The following BMP1 variants were observed in gnomAD, a reference collection of about 807,000 sequenced individuals.
The protein encoded by BMP1 is mammalian tolloid protein.
Under a neutral mutation model 116.8 loss-of-function variants are expected in BMP1, and 63 were observed. That is an observed-to-expected ratio of 0.54 (90% CI 0.44 to 0.67). The LOEUF is 0.67. BMP1 is among the 30% of genes least tolerant of loss of function. BMP1 has a pLI of 0.00. For synonymous variants in BMP1, 536 were observed against 533.4 expected, an observed-to-expected ratio of 1.00 and a Z score of -0.07; for missense variants, 1,183 against 1,358.9, an observed-to-expected ratio of 0.87 and a Z score of 2.04.
chr8:22,203,225 A>G (rs1349483792), intron 16 of BMP1, among the ~76,000 whole-genome samples: 1 of 151,928 alleles, frequency 6.6e-6, no homozygotes, highest in Non-Finnish European at 1.5e-5. Context: ...GAGTCACTCA[A>G]CCTCTCTGTG....
chr8:22,171,273 G>T (rs1828269373), intron 1 of BMP1: 2 of 152,202 alleles, frequency 1.3e-5, no homozygotes, highest in African/African-American at 4.8e-5. Flanking sequence ...AAGTCAGGGA[G>T]GTGGGCTGGA....
At position 22,194,330 on chromosome 8, in the gene BMP1, G is replaced by A. The variant is rs907507755; in HGVS notation, c.1298-115G>A. On this transcript the variant is annotated intron_variant, in intron 10 of 19. Coordinates refer to ENST00000306385, the MANE Select transcript of BMP1 (RefSeq NM_006129.5). The surrounding 1 kb of genome is among the most constrained non-coding windows in gnomAD (Gnocchi z 4.5). ...TGCCTGGGACTGGGGGTTTGGTGGG[G>A]AACTGAAAAGCTGGGGGACATGGGA... The A allele has an allele frequency of 5.1e-5, 76 of 1,486,938 alleles. No individual in the cohort carries two copies. Among genetic ancestry groups the A allele is most frequent in the Admixed American group, 5.5e-5 (3 of 54,104 alleles). 92.1% of individuals were successfully genotyped at this position (1,486,938 alleles called of 1,614,324 possible).
intron 1 of BMP1, chr8:22,171,137 C>A (rs1828264443): frequency 6.6e-6 from 1 of 152,228 alleles, no homozygotes; most frequent in African/African-American, 2.4e-5. Flanking sequence ...CCAAGGCCAC[C>A]TGCCGAGGAT....
At chr8:22,206,414 A>C (rs1227647655) in intron 16 of BMP1, among the ~76,000 whole-genome samples, 1 of 152,008 alleles carries the variant, frequency 6.6e-6, no homozygotes, top group Non-Finnish European at 1.5e-5. Context: ...AGGCAGGAGA[A>C]TCACTTAAAC....
intron 16 of BMP1, among the ~76,000 whole-genome samples, chr8:22,204,310 G>A (rs556875108): frequency 3.9e-5 from 6 of 152,294 alleles, no homozygotes; most frequent in African/African-American, 9.6e-5. Flanking sequence ...CCTGTTTTCC[G>A]GGCCCTCGTG....
chr8:22,173,503 G>A (rs1828339816), intron 1 of BMP1, 99 bp from the exon 2 acceptor site: 1 of 750,124 alleles, frequency 1.3e-6, no homozygotes, highest in African/African-American at 1.8e-5. Flanking sequence ...CGCTGTGGAG[G>A]TTGGGGGCTG....
At chr8:22,184,784 G>C (rs996859534) in intron 8 of BMP1, among the ~76,000 whole-genome samples, 2 of 152,220 alleles carry the variant, frequency 1.3e-5, no homozygotes, top group Admixed American at 6.5e-5. Flanking sequence ...AGTTTACACA[G>C]GTAGTAGTGG....
rs535990339 is a variant in BMP1, at chr8:22,175,958, C to T, written c.263-185C>T. Reference sequence around the variant, plus strand: ...CATGTTGGGTGACTGAAATTTTTCACTGCTCTGCAAATGTCCACAAATGAC... The same window carrying T: ...CATGTTGGGTGACTGAAATTTTTCATTGCTCTGCAAATGTCCACAAATGAC... On this transcript the variant is annotated intron_variant, in intron 2 of 19. Coordinates refer to ENST00000306385, the MANE Select transcript of BMP1 (RefSeq NM_006129.5). Among the ~76,000 whole-genome samples the T allele has an allele frequency of 9.2e-5, 14 of 152,320 alleles. No homozygotes were observed. In the East Asian group the frequency reaches 2.7e-3, roughly 29 times the overall value.
At chr8:22,201,062 C>A in intron 15 of BMP1, 3 of 1,270,866 alleles carry the variant, frequency 2.4e-6, no homozygotes, top group Non-Finnish European at 3.2e-6. Flanking sequence ...CCTCCCTGGT[C>A]CCTGCCCTCC....
chr8:22,179,633 G>C lies in BMP1; in HGVS notation c.837-72G>C. The C allele has an allele frequency of 6.2e-7, 1 of 1,605,418 alleles. No individual in the cohort carries two copies. Among genetic ancestry groups the C allele is most frequent in the Non-Finnish European group, 8.5e-7 (1 of 1,175,120 alleles). ...AGCAGGGTCGTGACTTGTGGGTACA[G>C]ATGGGCATGCCACCCACTCCCTGCC... On this transcript the variant is annotated intron_variant, in intron 6 of 19. Coordinates refer to ENST00000306385, the MANE Select transcript of BMP1 (RefSeq NM_006129.5). This position sits in a 1 kb window ranked among gnomAD's most constrained non-coding sequence, Gnocchi z 4.6.
intron 1 of BMP1, among the ~76,000 whole-genome samples, chr8:22,168,176 C>T (rs886283809): frequency 1.3e-5 from 2 of 152,136 alleles, no homozygotes; most frequent in Non-Finnish European, 2.9e-5. Context: ...GTTCCTGGAC[C>T]TTCTGGGTGA....
intron 4 of BMP1, 42 bp downstream of exon 4, chr8:22,176,692 C>T: frequency 6.2e-7 from 1 of 1,600,282 alleles, no homozygotes; most frequent in Non-Finnish European, 8.6e-7. Context: ...CGCCATTGCC[C>T]CAACCCAGGT....
chr8:22,211,801 G>A lies in BMP1; in HGVS notation c.*73G>A, dbSNP rs958451253. 8.2e-5 allele frequency: 131 copies of A among 1,605,198 alleles called. No individual in the cohort carries two copies. The East Asian group carries it at 1.7e-3, about 21-fold the overall frequency. On this transcript the variant is annotated 3_prime_UTR_variant, in exon 20 of 20. Coordinates refer to ENST00000306385, the MANE Select transcript of BMP1 (RefSeq NM_006129.5). The stretch of plus-strand genomic sequence containing the variant: ...CCTAGACTGGATAGTGGGGGTGGGC[G>A]GAAGGCAACGCACCATCCCTCTCCC...
In BMP1 at chr8:22,165,428, C is replaced by CGCTGCTGCTCGG. The variant is rs1828058490; in HGVS notation, c.33_44dup (p.Gly12_Leu15dup). 1 of 1,550,760 alleles carries CGCTGCTGCTCGG rather than the reference C, an allele frequency of 6.4e-7. No individual in the cohort carries two copies. Among genetic ancestry groups the CGCTGCTGCTCGG allele is most frequent in the African/African-American group, 1.4e-5 (1 of 70,098 alleles). On this transcript the variant is annotated inframe_insertion, in exon 1 of 20. Coordinates refer to ENST00000306385, the MANE Select transcript of BMP1 (RefSeq NM_006129.5). The stretch of plus-strand genomic sequence containing the variant: ...AGCATGCCCGGCGTGGCCCGCCTGC[C>CGCTGCTGCTCGG]GCTGCTGCTCGGGCTGCTGCTGCTC...
intron 5 of BMP1, 68 bp downstream of exon 5, chr8:22,177,207 CT>C (rs1828471026): frequency 6.8e-7 from 1 of 1,466,822 alleles, no homozygotes; most frequent in South Asian, 1.3e-5. Context: ...TCCAGGACCC[CT>C]GGGGGCAGTG....
intron 1 of BMP1, among the ~76,000 whole-genome samples, chr8:22,172,258 C>A (rs970009094): frequency 6.6e-6 from 1 of 152,194 alleles, no homozygotes; most frequent in African/African-American, 2.4e-5. Flanking sequence ...CCTCCCACTT[C>A]CCCCAGCCCA....
In BMP1 at chr8:22,196,836, A is replaced by G. The variant is rs776807068; in HGVS notation, c.1922A>G (p.Asn641Ser). ...LQFDFFETEG[N>S]DVCKYDFVEV... ...TTTGACTTCTTTGAGACAGAGGGCA[A>G]TGATGTAAGTGCCCACCAGGGGCTG... Residue 641 changes from asparagine (N) to serine (S), a missense_variant, in exon 14 of 20, where the codon AAT (asparagine) becomes AGT (serine). Physicochemically the swap from Asn to Ser is conservative, Grantham distance 46 (BLOSUM62 1). Around this residue, in one of 4 missense-constraint regions of BMP1, gnomAD observed 956 missense variants for 1,135.2 expected, o/e 0.84. Coordinates refer to ENST00000306385, the MANE Select transcript of BMP1 (RefSeq NM_006129.5). 3.1e-6 allele frequency: 5 copies of G among 1,612,748 alleles called. No homozygotes were observed. The highest frequency in any genetic ancestry group is 4.2e-6 in the Non-Finnish European group (5 of 1,179,286).
At chr8:22,177,980 G>A in intron 6 of BMP1, 23 bp downstream of exon 6, 1 of 1,569,656 alleles carries the variant, frequency 6.4e-7, no homozygotes, top group African/African-American at 1.3e-5. Flanking sequence ...ATTGGGGCTG[G>A]GCCTCTGCTC....
intron 19 of BMP1, 60 bp from the exon 20 acceptor site, chr8:22,211,534 G>A (rs1563285581): frequency 6.2e-7 from 1 of 1,608,576 alleles, no homozygotes; most frequent in Non-Finnish European, 8.5e-7. Context: ...ATCTTGGGGA[G>A]GCAGGACAGC....
Sources: gnomAD v4.1 joint callset for allele counts (sites outside exome capture counted in the v4.1 genomes callset) on GRCh38, gnomAD v4.1.1 for gene constraint, gnomAD v4.1.1 regional missense constraint, Gnocchi (gnomAD v3.1) non-coding constraint, MANE v1.5 for transcripts, NCBI Gene and HGNC (gene_info 2026-07-23, HGNC 2026-07-21) for gene names.